Variants in FAM234B observed in about 807,000 individuals in gnomAD.
FAM234B encodes the protein family with sequence similarity 234 member B.
A neutral mutation model predicts 69.3 loss-of-function variants in FAM234B; 33 were observed. That is an observed-to-expected ratio of 0.48 (90% confidence interval 0.36 to 0.64). FAM234B has a LOEUF of 0.64. FAM234B is among the 30% of genes least tolerant of loss of function. FAM234B has a pLI of 0.00. For synonymous variants in FAM234B, 306 were observed against 306.9 expected (o/e 1.00, Z 0.03); for missense variants, 697 against 769.7 (o/e 0.91, Z 1.12).
Position 13,044,799 on chromosome 12 carries a change from C to T in FAM234B, c.37+359C>T, listed in dbSNP as rs1864788158. 6.6e-6 allele frequency among the ~76,000 whole-genome samples: 1 copy of T among 152,204 alleles called. No homozygotes were observed. The highest frequency in any genetic ancestry group is 1.5e-5 in the Non-Finnish European group (1 of 68,034). ...CCGCGGACCCAGCACCGCAGGGACT[C>T]CGGCGCCTTCTGTCTTGGCTGGACC... On this transcript the variant is annotated intron_variant, in intron 1 of 12. Coordinates refer to ENST00000197268, the MANE Select transcript of FAM234B (RefSeq NM_020853.2). This position sits in a 1 kb window ranked among gnomAD's most constrained non-coding sequence, Gnocchi z 5.6.
intron 10 of FAM234B, among the ~76,000 whole-genome samples, chr12:13,075,800 G>A (rs1440225197): frequency 6.6e-6 from 1 of 151,914 alleles, no homozygotes; most frequent in East Asian, 1.9e-4. Context: ...TTTTCCAGCT[G>A]TAGATAGTGG....
Position 13,044,477 on chromosome 12 carries a change from C to G in FAM234B, c.37+37C>G. On this transcript the variant is annotated intron_variant, in intron 1 of 12. Coordinates refer to ENST00000197268, the MANE Select transcript of FAM234B (RefSeq NM_020853.2). This position sits in a 1 kb window ranked among gnomAD's most constrained non-coding sequence, Gnocchi z 5.6. ...CATGCTTGCGACCACCCAGTCCCCG[C>G]CGGTGTTGGAATAAGGGGAGGCGAG... 6.5e-7 allele frequency: 1 copy of G among 1,549,386 alleles called. No individual in the cohort carries two copies. The highest frequency in any genetic ancestry group is 8.7e-7 in the Non-Finnish European group (1 of 1,145,482).
intron 8 of FAM234B, 21 bp downstream of exon 8, chr12:13,068,468 T>C (rs1275672780): frequency 2.5e-6 from 4 of 1,611,662 alleles, no homozygotes; most frequent in Admixed American, 1.7e-5. Flanking sequence ...TGTTCCTTCT[T>C]GTGTTTGCTG....
chr12:13,064,477 T>C, intron 5 of FAM234B, among the ~76,000 whole-genome samples: 1 of 152,182 alleles, frequency 6.6e-6, no homozygotes, highest in East Asian at 1.9e-4. Context: ...CTGGTGGTGG[T>C]TGGCAGGATA....
chr12:13,054,079 G>A (rs1360823918), intron 1 of FAM234B, among the ~76,000 whole-genome samples: 1 of 152,088 alleles, frequency 6.6e-6, no homozygotes, highest in Non-Finnish European at 1.5e-5. Flanking sequence ...TCTTTTTCAA[G>A]GTGCACTGAT....
chr12:13,056,379 C>T (rs1323475166), intron 2 of FAM234B, among the ~76,000 whole-genome samples: 1 of 152,210 alleles, frequency 6.6e-6, no homozygotes, highest in Non-Finnish European at 1.5e-5. Flanking sequence ...AAAATAATTT[C>T]ATTTCCTGTA....
rs371015511 is a variant in FAM234B, at chr12:13,061,581, C to T, written c.539C>T (p.Ser180Leu). The change falls in exon 4 of 13, where the codon TCA becomes TTA. Residue 180 changes from serine (S) to leucine (L), a missense_variant. Coordinates refer to ENST00000197268, the MANE Select transcript of FAM234B (RefSeq NM_020853.2). ...CTCTCTTGTGTGCTTTTAGGTGTCT[C>T]AAGACCAGCTGCTAATCTTGTATGC... ...MSRNGSAVGVSRPAANLVCLS... is the reference protein window; with the variant it reads ...MSRNGSAVGVLRPAANLVCLS... 32 of 1,611,974 alleles carry T rather than the reference C, an allele frequency of 2.0e-5. No homozygotes were observed. Among genetic ancestry groups the T allele is most frequent in the Non-Finnish European group, 2.5e-5 (30 of 1,178,836 alleles).
intron 2 of FAM234B, among the ~76,000 whole-genome samples, chr12:13,057,639 C>T (rs986128817): frequency 1.3e-5 from 2 of 152,110 alleles, no homozygotes; most frequent in African/African-American, 2.4e-5. Context: ...ATGGTTGTAC[C>T]GATTTACATT....
intron 1 of FAM234B, among the ~76,000 whole-genome samples, chr12:13,046,455 T>TTTGA (rs1258802274): frequency 1.3e-5 from 2 of 151,770 alleles, no homozygotes. Flanking sequence ...TGTTTGTTTT[T>TTTGA]TTGTTTGTTT....
chr12:13,045,998 G>A (rs1864806515), intron 1 of FAM234B, among the ~76,000 whole-genome samples: 1 of 152,156 alleles, frequency 6.6e-6, no homozygotes. Flanking sequence ...TTAGTTGTAG[G>A]AACTGGTTGG....
intron 1 of FAM234B, 81 bp from the exon 2 acceptor site, chr12:13,055,470 G>A (rs560110750): frequency 2.3e-4 from 313 of 1,343,260 alleles, no homozygotes; most frequent in Non-Finnish European, 2.9e-4. Context: ...GTGTTCTTCT[G>A]GGTATTTACA....
chr12:13,076,057 T>C lies in FAM234B; in HGVS notation c.1556T>C (p.Leu519Pro). 6.2e-7 allele frequency: 1 copy of C among 1,614,106 alleles called. No individual in the cohort carries two copies. Among genetic ancestry groups the C allele is most frequent in the Non-Finnish European group, 8.5e-7 (1 of 1,179,982 alleles). The change falls in exon 11 of 13, where the codon CTT becomes CCT. Residue 519 changes from leucine (L) to proline (P), a missense_variant. By Grantham distance (98) the Leu-to-Pro change is moderately conservative (BLOSUM62 -3). Transcript: ENST00000197268. ...DIILGTEPPS[L>P]HHLYLLHPAF... ...ATCCTAGGAACTGAGCCGCCCAGCC[T>C]TCACCACCTTTACCTCCTGCATCCT... is the stretch of plus-strand genomic sequence containing the variant.
rs145943183 is a variant in FAM234B at position 13,044,995 on chromosome 12, G to A, written c.37+555G>A. Among the ~76,000 whole-genome samples the A allele has an allele frequency of 5.4e-4, 82 of 152,322 alleles. No individual in the cohort carries two copies. Among genetic ancestry groups the A allele is most frequent in the Non-Finnish European group, 8.8e-4 (60 of 68,024 alleles). ...AAGTGAATTGTCCAAGGTCTCACAA[G>A]TATTGGGAAAGCTCGGCCTTGAACG... On this transcript the variant is annotated intron_variant, in intron 1 of 12. Transcript: ENST00000197268. This position sits in a 1 kb window ranked among gnomAD's most constrained non-coding sequence, Gnocchi z 5.6.
rs199993748 is a variant in FAM234B, at chr12:13,068,467, T to C, written c.1286+20T>C. 1.2e-6 allele frequency: 2 copies of C among 1,611,838 alleles called. No individual in the cohort carries two copies. The highest frequency in any genetic ancestry group is 1.7e-5 in the Admixed American group (1 of 59,836). ...GCGCAGGTTTGCATTGTGTTCCTTC[T>C]TGTGTTTGCTGTTTTGATCCACTTT... On this transcript the variant is annotated intron_variant, in intron 8 of 12. Coordinates refer to ENST00000197268, the MANE Select transcript of FAM234B (RefSeq NM_020853.2).
chr12:13,070,779 C>T (rs1052022400), intron 9 of FAM234B, among the ~76,000 whole-genome samples: 2 of 152,030 alleles, frequency 1.3e-5, no homozygotes, highest in Non-Finnish European at 2.9e-5. Context: ...CTGGGAACAC[C>T]GTGCCCCAGG....
Position 13,058,455 on chromosome 12 carries a change from G to A in FAM234B, c.438G>A (p.Gly146=). 1 of 1,613,524 alleles carries A rather than the reference G, an allele frequency of 6.2e-7. No individual in the cohort carries two copies. Among genetic ancestry groups the A allele is most frequent in the Non-Finnish European group, 8.5e-7 (1 of 1,179,482 alleles). Residue 146 remains glycine (G), a synonymous_variant, in exon 3 of 13, where the codon GGG becomes GGA. Transcript: ENST00000197268. The stretch of plus-strand genomic sequence containing the variant: ...GGTTTTTTATGTGTATAACAGGTGG[G>A]GACCTGTCTCCATTGGAATTGGCTG... ...WSRHLGSQGG[G]DLSPLELADV...
At chr12:13,073,551 G>A (rs763345897) in intron 10 of FAM234B, among the ~76,000 whole-genome samples, 4 of 152,066 alleles carry the variant, frequency 2.6e-5, no homozygotes, top group South Asian at 2.1e-4. Context: ...TTGCCTTCAG[G>A]AGCACACTGG....
chr12:13,066,258 T>C (rs1426821422), intron 5 of FAM234B, among the ~76,000 whole-genome samples: 1 of 152,194 alleles, frequency 6.6e-6, no homozygotes, highest in Admixed American at 6.5e-5. Context: ...CTGCCTCGAT[T>C]AACTCTAGCT....
intron 10 of FAM234B, among the ~76,000 whole-genome samples, chr12:13,072,830 G>T (rs550637965): frequency 1.3e-5 from 2 of 151,646 alleles, no homozygotes; most frequent in Non-Finnish European, 2.9e-5. Flanking sequence ...CATCCCTAAA[G>T]AACTGAGGGT....
Sources: gnomAD v4.1 joint callset for allele counts (sites outside exome capture counted in the v4.1 genomes callset) on GRCh38, gnomAD v4.1.1 for gene constraint, Gnocchi (gnomAD v3.1) non-coding constraint, MANE v1.5 for transcripts, NCBI Gene and HGNC (gene_info 2026-07-23, HGNC 2026-07-21) for gene names.